PPP3CA: variants seen among roughly 807,000 people sequenced by gnomAD.
PPP3CA encodes the protein protein phosphatase 3 catalytic subunit alpha.
A neutral mutation model predicts 66.5 loss-of-function variants in PPP3CA; 14 were observed. The ratio of observed to expected loss-of-function variants is 0.21; its 90% CI spans 0.14 to 0.33. The LOEUF (loss-of-function observed/expected upper bound fraction) is 0.33, where lower values mean the gene tolerates loss of function less well. PPP3CA is among the 10% of genes least tolerant of loss of function. The probability of loss-of-function intolerance (pLI) is 1.00; values close to 1 mark genes in which losing one functional copy is unlikely to be tolerated. For missense variants in PPP3CA, 317 were observed against 639.5 expected, an observed-to-expected ratio of 0.50 and a Z score of 5.44; for synonymous variants, 232 against 226.2, an observed-to-expected ratio of 1.03 and a Z score of -0.23.
At position 101,307,033 on chromosome 4, in the gene PPP3CA, C is replaced by T. The variant is rs114602673; in HGVS notation, c.58+39706G>A. 6.2e-3 allele frequency among the ~76,000 whole-genome samples: 938 copies of T among 152,194 alleles called. 7 individuals carry two copies. Among genetic ancestry groups the T allele is most frequent in the African/African-American group, 0.022 (908 of 41,476 alleles). On this transcript the variant is annotated intron_variant, in intron 1 of 13. Coordinates refer to ENST00000394854, the MANE Select transcript of PPP3CA (RefSeq NM_000944.5). ...CTATGTCTCCTCTCAAGAACCAATG[C>T]TACTGGTGGTATTGTAGGTGTTACA...
intron 1 of PPP3CA, among the ~76,000 whole-genome samples, chr4:101,271,196 A>G (rs1308114482): frequency 6.6e-6 from 1 of 152,186 alleles, no homozygotes; most frequent in Non-Finnish European, 1.5e-5. Context: ...CCAAAACTTG[A>G]TAATTAAAAA....
At chr4:101,099,819 A>G in intron 3 of PPP3CA, 97 bp from the exon 4 acceptor site, 1 of 579,046 alleles carries the variant, frequency 1.7e-6, no homozygotes, top group South Asian at 4.7e-5. Context: ...AAAATGTATT[A>G]CCATGACCAA....
Position 101,204,493 on chromosome 4 carries a change from G to A in PPP3CA, c.59-8377C>T, listed in dbSNP as rs945595392. The stretch of plus-strand genomic sequence containing the variant: ...CTACTAAAAATACAAAAAATTAGCA[G>A]GGCGTGGTGGCAGGCGCCTGTAGTC... On this transcript the variant is annotated intron_variant, in intron 1 of 13. Coordinates refer to ENST00000394854, the MANE Select transcript of PPP3CA (RefSeq NM_000944.5). Among the ~76,000 whole-genome samples, 23 of 151,972 alleles carry A rather than the reference G, an allele frequency of 1.5e-4. 1 individual carries two copies. The highest frequency in any genetic ancestry group is 5.1e-4 in the African/African-American group (21 of 41,444).
At chr4:101,058,859 T>C (rs1578410084) in intron 10 of PPP3CA, among the ~76,000 whole-genome samples, 1 of 152,264 alleles carries the variant, frequency 6.6e-6, no homozygotes, top group South Asian at 2.1e-4. Context: ...AGATACTGAA[T>C]ATATATTTGC....
chr4:101,323,296 T>C (rs1729098693), intron 1 of PPP3CA, among the ~76,000 whole-genome samples: 1 of 152,220 alleles, frequency 6.6e-6, no homozygotes, highest in South Asian at 2.1e-4. Flanking sequence ...GTTTTTAAAA[T>C]ACTCAACTGT....
At chr4:101,207,079 A>T (rs547988999) in intron 1 of PPP3CA, among the ~76,000 whole-genome samples, 1 of 152,196 alleles carries the variant, frequency 6.6e-6, no homozygotes, top group Non-Finnish European at 1.5e-5. Context: ...GAAAAACTAA[A>T]TGATTTTCAT....
chr4:101,093,726 C>A, intron 6 of PPP3CA, 50 bp downstream of exon 6: 1 of 1,496,100 alleles, frequency 6.7e-7, no homozygotes, highest in South Asian at 1.4e-5. Context: ...CTGATAAATC[C>A]TAGCATTATG....
At chr4:101,119,361 T>C (rs1721949005) in intron 2 of PPP3CA, among the ~76,000 whole-genome samples, 1 of 152,056 alleles carries the variant, frequency 6.6e-6, no homozygotes, top group Non-Finnish European at 1.5e-5. Context: ...AGTTTCCAGT[T>C]AGTCTCATTT....
chr4:101,207,910 T>A (rs118125983), intron 1 of PPP3CA, among the ~76,000 whole-genome samples: 288 of 152,134 alleles, frequency 1.9e-3, no homozygotes, highest in East Asian at 0.014. Context: ...AGCAGAATAA[T>A]GTTAATTCCC....
At chr4:101,218,054 T>C (rs903537819) in intron 1 of PPP3CA, among the ~76,000 whole-genome samples, 1 of 152,074 alleles carries the variant, frequency 6.6e-6, no homozygotes, top group Non-Finnish European at 1.5e-5. Flanking sequence ...TTTTTGGAAC[T>C]TGAGGATGAA....
At chr4:101,279,721 A>T (rs1205612718) in intron 1 of PPP3CA, among the ~76,000 whole-genome samples, 1 of 152,182 alleles carries the variant, frequency 6.6e-6, no homozygotes, top group East Asian at 1.9e-4. Context: ...CTGTGAGGTC[A>T]GGAAGTAGAA....
At chr4:101,176,817 CACCAATAAAATGTG>C (rs549286125) in intron 2 of PPP3CA, among the ~76,000 whole-genome samples, 36 of 152,156 alleles carry the variant, frequency 2.4e-4, no homozygotes, top group East Asian at 1.9e-3. Context: ...ATGTGACAAA[CACCAATAAAATGTG>C]ACCAATAAAA....
chr4:101,221,236 T>C (rs558319881), intron 1 of PPP3CA, among the ~76,000 whole-genome samples: 3 of 151,672 alleles, frequency 2.0e-5, no homozygotes, highest in East Asian at 1.9e-4. Context: ...CAGACGGCCA[T>C]AAAAAAGCAG....
At chr4:101,145,604 G>T (rs1462034654) in intron 2 of PPP3CA, among the ~76,000 whole-genome samples, 1 of 152,072 alleles carries the variant, frequency 6.6e-6, no homozygotes, top group Admixed American at 6.6e-5. Context: ...AAGACAGAGA[G>T]TAGAATGATG....
chr4:101,253,273 T>C (rs1282173802), intron 1 of PPP3CA, among the ~76,000 whole-genome samples: 2 of 152,186 alleles, frequency 1.3e-5, no homozygotes, highest in Non-Finnish European at 2.9e-5. Context: ...ATATTATTTT[T>C]TAGCATACAT....
At chr4:101,063,105 A>C (rs1728544253) in intron 9 of PPP3CA, 127 bp downstream of exon 9, 3 of 1,210,718 alleles carry the variant, frequency 2.5e-6, no homozygotes, top group Non-Finnish European at 3.4e-6. Flanking sequence ...TCCAAATCAC[A>C]TCTTTCATTG....
chr4:101,287,952 T>C (rs778662668), intron 1 of PPP3CA, among the ~76,000 whole-genome samples: 13 of 152,268 alleles, frequency 8.5e-5, no homozygotes, highest in Non-Finnish European at 1.8e-4. Flanking sequence ...ACCATTTTTT[T>C]CCTTCCTTGA....
chr4:101,211,059 C>T lies in PPP3CA; in HGVS notation c.59-14943G>A, dbSNP rs117192561. ...GCAGATTTACTTCACTGAATTTTCA[C>T]AACAGTCTTGTGATTTGGGTACTAT... On this transcript the variant is annotated intron_variant, in intron 1 of 13. Transcript: ENST00000394854. 3.1e-3 allele frequency among the ~76,000 whole-genome samples: 473 copies of T among 152,288 alleles called. 3 individuals are homozygous for T. The highest frequency in any genetic ancestry group is 0.02 in the Middle Eastern group (6 of 294).
chr4:101,085,003 C>T (rs889602618), intron 6 of PPP3CA, among the ~76,000 whole-genome samples: 24 of 152,054 alleles, frequency 1.6e-4, no homozygotes, highest in African/African-American at 5.3e-4. Flanking sequence ...AGTGAATATA[C>T]GACCTTTCCA....
Sources: gnomAD v4.1 joint callset for allele counts (sites outside exome capture counted in the v4.1 genomes callset) on GRCh38, gnomAD v4.1.1 for gene constraint, MANE v1.5 for transcripts, NCBI Gene and HGNC (gene_info 2026-07-23, HGNC 2026-07-21) for gene names.